APTX: variants seen among roughly 807,000 people sequenced by gnomAD.
APTX encodes forkhead-associated domain histidine triad-like protein.
In APTX, 33 loss-of-function variants were observed where a neutral mutation model predicts 42.3. The observed-to-expected ratio is 0.78, with a 90% CI of 0.59 to 1.04. The LOEUF is 1.04. Ranked by LOEUF, APTX falls within the 50% of genes least tolerant of loss-of-function variation. The pLI, the probability that APTX is intolerant of heterozygous loss-of-function variation, is 0.00. For synonymous variants in APTX, 130 were observed against 146.7 expected, an observed-to-expected ratio of 0.89 and a Z score of 0.82; for missense variants, 421 against 415.1, an observed-to-expected ratio of 1.01 and a Z score of -0.12.
chr9:33,013,610 T>G (rs1171388541), intron 1 of APTX, among the ~76,000 whole-genome samples: 1 of 151,972 alleles, frequency 6.6e-6, no homozygotes, highest in African/African-American at 2.4e-5. Context: ...ATCGAGACCA[T>G]CCTGGCTAAC....
chr9:32,986,056 A>AAAAAAAAAAAAAC, intron 4 of APTX, 26 bp from the exon 5 acceptor site: 1 of 809,234 alleles, frequency 1.2e-6, no homozygotes, highest in African/African-American at 2.7e-5. Context: ...AAAAAAAAAC[A>AAAAAAAAAAAAAC]AAAAAAAAAA....
intron 1 of APTX, among the ~76,000 whole-genome samples, chr9:33,022,667 T>C (rs1289680757): frequency 6.6e-6 from 1 of 152,178 alleles, no homozygotes; most frequent in African/African-American, 2.4e-5. Flanking sequence ...CCATTAAAAA[T>C]AACAAGGCAG....
intron 6 of APTX, among the ~76,000 whole-genome samples, chr9:32,983,712 T>C (rs1162980470): frequency 2.0e-5 from 3 of 152,056 alleles, no homozygotes; most frequent in African/African-American, 7.2e-5. Context: ...TTATGTAAAG[T>C]AAAATAAGTA....
chr9:33,020,996 G>C (rs557574471), intron 1 of APTX, among the ~76,000 whole-genome samples: 2 of 152,162 alleles, frequency 1.3e-5, no homozygotes, highest in Non-Finnish European at 2.9e-5. Context: ...AGGCGTGGTG[G>C]AACATGCCTG....
intron 1 of APTX, among the ~76,000 whole-genome samples, chr9:33,014,205 T>C (rs1248935908): frequency 6.6e-6 from 1 of 151,938 alleles, no homozygotes; most frequent in East Asian, 1.9e-4. Context: ...TCTAAGCCAA[T>C]AGCACTCATA....
At chr9:32,985,455 C>G (rs1831756285) in intron 5 of APTX, among the ~76,000 whole-genome samples, 1 of 151,806 alleles carries the variant, frequency 6.6e-6, no homozygotes, top group African/African-American at 2.4e-5. Context: ...CTGCCTCAGC[C>G]TCTCGAGTAG....
intron 1 of APTX, among the ~76,000 whole-genome samples, chr9:33,007,185 TTTAGA>T (rs1315184585): frequency 6.6e-6 from 1 of 151,940 alleles, no homozygotes; most frequent in Non-Finnish European, 1.5e-5. Flanking sequence ...TAGCAGGGCT[TTTAGA>T]TTATTCTTTT....
intron 1 of APTX, among the ~76,000 whole-genome samples, chr9:33,022,535 G>A (rs538077831): frequency 6.6e-6 from 1 of 152,338 alleles, no homozygotes; most frequent in African/African-American, 2.4e-5. Flanking sequence ...CCATCCAACA[G>A]AAATACTTGC....
chr9:33,017,311 A>G (rs974484947), intron 1 of APTX, among the ~76,000 whole-genome samples: 6 of 152,206 alleles, frequency 3.9e-5, no homozygotes, highest in African/African-American at 1.4e-4. Flanking sequence ...ATAACATGCC[A>G]TTAACTGGGT....
At chr9:32,976,229 G>A (rs528286930) in intron 6 of APTX, among the ~76,000 whole-genome samples, 1 of 151,832 alleles carries the variant, frequency 6.6e-6, no homozygotes, top group African/African-American at 2.4e-5. Context: ...GGCCTGTCAG[G>A]GGGGTGGGGG....
chr9:32,995,783 G>A (rs1834725082), intron 1 of APTX, among the ~76,000 whole-genome samples: 1 of 151,856 alleles, frequency 6.6e-6, no homozygotes, highest in South Asian at 2.1e-4. Flanking sequence ...AGCTACTCTG[G>A]AGACTGAGGC....
intron 6 of APTX, among the ~76,000 whole-genome samples, chr9:32,981,995 A>T (rs959433121): frequency 5.2e-5 from 6 of 115,066 alleles, no homozygotes; most frequent in Admixed American, 8.6e-5. Flanking sequence ...TTCATGAATT[A>T]AAAAAAAAAA....
chr9:32,995,420 T>C (rs889927934), intron 1 of APTX, among the ~76,000 whole-genome samples: 1 of 152,306 alleles, frequency 6.6e-6, no homozygotes, highest in African/African-American at 2.4e-5. Context: ...ACTCCCAATA[T>C]AGCAGAAATA....
At chr9:33,003,430 C>G (rs180874562), upstream of APTX, among the ~76,000 whole-genome samples, 1 of 152,258 alleles carries the variant, frequency 6.6e-6, no homozygotes, top group African/African-American at 2.4e-5. Flanking sequence ...CCTGTAATCC[C>G]AGCACTTTGG....
At chr9:32,983,445 A>C (rs1125479) in intron 6 of APTX, among the ~76,000 whole-genome samples, 19,336 of 152,124 alleles carry the variant, frequency 0.13, 1,256 homozygotes, top group Non-Finnish European at 0.14. Flanking sequence ...ATGATAGTGA[A>C]AAGATTATAC....
rs201425898 is a variant in APTX at position 32,988,686 on chromosome 9, GAAAA to G, written c.134-561_134-558del. ...ACAGAGTGAGACCCTATCTCAGGAG[GAAAA>G]AAAAAAAAAAAAAAAAAAAAAAAGA... On this transcript the variant is annotated intron_variant, in intron 2 of 7. Coordinates refer to ENST00000379817, the MANE Select transcript of APTX (RefSeq NM_001195248.2). Among the ~76,000 whole-genome samples, 14 of 70,890 alleles carry G rather than the reference GAAAA, an allele frequency of 2.0e-4. No homozygotes were observed. The East Asian group carries it at 3.6e-3, about 18-fold the overall frequency. The allele number at this position is 70,890 out of a possible 152,430, so 46.5% of individuals were successfully genotyped here.
At chr9:33,003,882 A>G (rs954644131), upstream of APTX, among the ~76,000 whole-genome samples, 1 of 152,218 alleles carries the variant, frequency 6.6e-6, no homozygotes, top group Non-Finnish European at 1.5e-5. Context: ...TGTACACACC[A>G]TACTTTATCC....
chr9:33,017,934 C>T (rs1242816440), intron 1 of APTX, among the ~76,000 whole-genome samples: 2 of 88,346 alleles, frequency 2.3e-5, no homozygotes, highest in East Asian at 3.0e-4. Context: ...CAGCGCCCCC[C>T]CCCCCCTCCC....
At chr9:32,992,248 A>G (rs948188252) in intron 1 of APTX, among the ~76,000 whole-genome samples, 5 of 152,210 alleles carry the variant, frequency 3.3e-5, no homozygotes, top group African/African-American at 1.2e-4. Flanking sequence ...AAGAAACCCG[A>G]TTTTTAAAAA....
Sources: allele counts gnomAD v4.1 joint callset (sites outside exome capture counted in the v4.1 genomes callset), GRCh38; gene constraint gnomAD v4.1.1; transcripts MANE v1.5; gene names NCBI Gene and HGNC (gene_info 2026-07-23, HGNC 2026-07-21).